The following TANGO6 variants were observed in gnomAD, a reference collection of about 807,000 sequenced individuals.
TANGO6 encodes the protein transport and golgi organization 6 homolog.
A neutral mutation model predicts 114.2 loss-of-function variants in TANGO6; 90 were observed. The ratio of observed to expected loss-of-function variants is 0.79; its 90% confidence interval spans 0.66 to 0.94. TANGO6 has a LOEUF of 0.94. Ranked by LOEUF, TANGO6 falls within the 40% of genes least tolerant of loss-of-function variation. TANGO6 has a pLI of 0.00. For synonymous variants in TANGO6, 477 were observed against 509.8 expected (o/e 0.94, Z 0.87); for missense variants, 1,274 against 1,315.3 (o/e 0.97, Z 0.49).
intron 14 of TANGO6, among the ~76,000 whole-genome samples, chr16:68,956,761 G>C (rs1297264033): frequency 2.0e-5 from 3 of 152,088 alleles, no homozygotes; most frequent in African/African-American, 7.2e-5. Flanking sequence ...GCTGAGGCAG[G>C]AGAATCACTT....
intron 14 of TANGO6, among the ~76,000 whole-genome samples, chr16:68,958,496 A>AG: frequency 6.6e-6 from 1 of 150,930 alleles, no homozygotes; most frequent in Non-Finnish European, 1.5e-5. Flanking sequence ...TCTCAAAAAA[A>AG]AAAAAAAAAA....
intron 12 of TANGO6, among the ~76,000 whole-genome samples, chr16:68,923,839 G>GTTTTGT (rs1963129853): frequency 7.3e-6 from 1 of 137,576 alleles, no homozygotes; most frequent in Non-Finnish European, 1.6e-5. Flanking sequence ...GTTTTGTTTT[G>GTTTTGT]TTTTTTCAAA....
chr16:68,862,183 A>G (rs1483396596), intron 2 of TANGO6, among the ~76,000 whole-genome samples: 1 of 151,772 alleles, frequency 6.6e-6, no homozygotes, highest in East Asian at 1.9e-4. Context: ...GATTACAGGC[A>G]TGTGCCACCA....
At chr16:68,888,237 C>T (rs928871227) in intron 7 of TANGO6, among the ~76,000 whole-genome samples, 12 of 152,172 alleles carry the variant, frequency 7.9e-5, no homozygotes, top group Non-Finnish European at 1.5e-4. Flanking sequence ...CCATTCTCTC[C>T]TTCTGCTCTG....
At chr16:68,884,051 A>G (rs1047120649) in intron 7 of TANGO6, among the ~76,000 whole-genome samples, 1 of 152,052 alleles carries the variant, frequency 6.6e-6, no homozygotes, top group Non-Finnish European at 1.5e-5. Context: ...CTGAAATTAC[A>G]GGCACCCACC....
intron 14 of TANGO6, among the ~76,000 whole-genome samples, chr16:68,935,771 C>A (rs1034857286): frequency 1.3e-5 from 2 of 152,140 alleles, no homozygotes; most frequent in African/African-American, 2.4e-5. Flanking sequence ...CTGTTTTTAT[C>A]ATCATTATTA....
rs112117841 is a variant in TANGO6, at chr16:68,914,878, GT to G, written c.1993-4194del. Among the ~76,000 whole-genome samples the G allele has an allele frequency of 5.4e-3, 764 of 141,186 alleles. 5 individuals carry two copies. Among genetic ancestry groups the G allele is most frequent in the African/African-American group, 0.017 (663 of 38,502 alleles). The allele number at this position is 141,186 out of a possible 152,430, so 92.6% of individuals were successfully genotyped here. A position where few individuals can be genotyped will look rare whatever the true frequency, so the allele number is the denominator to read the frequency against. On this transcript the variant is annotated intron_variant, in intron 11 of 17. Transcript: ENST00000261778. The stretch of plus-strand genomic sequence containing the variant: ...CTCTTTACAGTTAACAGTTCCCTGG[GT>G]TTTTTTTTTTTTAAACATACATACA...
chr16:68,861,303 G>A (rs543628011), intron 2 of TANGO6, among the ~76,000 whole-genome samples: 3 of 152,280 alleles, frequency 2.0e-5, no homozygotes, highest in East Asian at 3.9e-4. Flanking sequence ...CAGTGATTCC[G>A]CAGCCTCCAC....
At chr16:68,993,460 C>T (rs899850065) in intron 15 of TANGO6, among the ~76,000 whole-genome samples, 1 of 152,168 alleles carries the variant, frequency 6.6e-6, no homozygotes, top group East Asian at 1.9e-4. Flanking sequence ...TTTTGACTTA[C>T]GGACTTGCAA....
intron 12 of TANGO6, among the ~76,000 whole-genome samples, chr16:68,921,050 C>T (rs1323389291): frequency 1.5e-5 from 2 of 129,264 alleles, no homozygotes; most frequent in East Asian, 2.6e-4. Context: ...TTGCAGTGGG[C>T]GGAGGTTGCA....
intron 17 of TANGO6, among the ~76,000 whole-genome samples, chr16:69,043,766 C>A (rs1959809617): frequency 6.6e-6 from 1 of 152,148 alleles, no homozygotes; most frequent in African/African-American, 2.4e-5. Context: ...AGTGAAAATG[C>A]CACACTGTTG....
chr16:68,882,732 A>G (rs958775280), intron 7 of TANGO6, among the ~76,000 whole-genome samples: 2 of 152,054 alleles, frequency 1.3e-5, no homozygotes, highest in Admixed American at 1.3e-4. Context: ...TATTAAAAAA[A>G]AAAATACTTG....
intron 13 of TANGO6, among the ~76,000 whole-genome samples, chr16:68,929,259 T>A (rs1963209790): frequency 6.6e-6 from 1 of 152,254 alleles, no homozygotes; most frequent in East Asian, 1.9e-4. Context: ...GTGAATTCAA[T>A]GAACATCTTG....
At chr16:68,910,423 A>G (rs1962906931) in intron 11 of TANGO6, among the ~76,000 whole-genome samples, 1 of 152,054 alleles carries the variant, frequency 6.6e-6, no homozygotes, top group South Asian at 2.1e-4. Flanking sequence ...CTTCATCCAG[A>G]CCTTATGTTT....
chr16:69,068,031 C>T (rs1340175177), intron 17 of TANGO6, among the ~76,000 whole-genome samples: 2 of 151,430 alleles, frequency 1.3e-5, no homozygotes, highest in Admixed American at 6.6e-5. Flanking sequence ...GTCCCAGCTA[C>T]TCGGGAGGCT....
chr16:68,967,967 T>C (rs1319617718), intron 14 of TANGO6, among the ~76,000 whole-genome samples: 1 of 151,996 alleles, frequency 6.6e-6, no homozygotes, highest in Non-Finnish European at 1.5e-5. Context: ...ACTGTTTTGC[T>C]CAAAATATGT....
chr16:68,960,097 A>G (rs1354263490), intron 14 of TANGO6, among the ~76,000 whole-genome samples: 1 of 152,194 alleles, frequency 6.6e-6, no homozygotes, highest in Non-Finnish European at 1.5e-5. Flanking sequence ...GCATAAAGAG[A>G]ATATTTATGT....
intron 16 of TANGO6, chr16:69,026,707 CTGTTTGTT>C (rs142371377): frequency 0.049 from 7,439 of 152,876 alleles, 217 homozygotes; most frequent in Non-Finnish European, 0.07. Flanking sequence ...AGGATCAAAT[CTGTTTGTT>C]TGTTTGTTTG....
chr16:68,974,485 A>G (rs922135561), intron 15 of TANGO6, among the ~76,000 whole-genome samples: 9 of 152,010 alleles, frequency 5.9e-5, no homozygotes, highest in African/African-American at 2.2e-4. Context: ...CACATGGTGA[A>G]ACCCTGTCTC....
Sources: allele counts gnomAD v4.1 joint callset (sites outside exome capture counted in the v4.1 genomes callset), GRCh38; gene constraint gnomAD v4.1.1; transcripts MANE v1.5; gene names NCBI Gene and HGNC (gene_info 2026-07-23, HGNC 2026-07-21).